The following ELL variants were observed in gnomAD, a reference collection of about 807,000 sequenced individuals.
ELL encodes RNA polymerase II elongation factor ELL.
ELL carries 18 observed loss-of-function variants against 64.0 expected under a neutral mutation model. The observed-to-expected ratio is 0.28, with a 90% CI of 0.19 to 0.42. The LOEUF is 0.42. Ranked by LOEUF, ELL falls within the 10% of genes least tolerant of loss-of-function variation. ELL has a pLI of 1.00. For synonymous variants in ELL, 399 were observed against 376.2 expected (o/e 1.06, Z -0.70); for missense variants, 797 against 870.4 (o/e 0.92, Z 1.06).
chr19:18,498,158 C>T (rs1439714958), intron 1 of ELL, among the ~76,000 whole-genome samples: 1 of 151,918 alleles, frequency 6.6e-6, no homozygotes, highest in Non-Finnish European at 1.5e-5. Flanking sequence ...GCAGGCTCAT[C>T]CATTGGAAAC....
rs1278162527 is a variant in ELL, at chr19:18,501,701, CA to C, written c.135+20219del. Among the ~76,000 whole-genome samples, 1 of 152,178 alleles carries C rather than the reference CA, an allele frequency of 6.6e-6. No homozygotes were observed. The highest frequency in any genetic ancestry group is 1.5e-5 in the Non-Finnish European group (1 of 68,036). On this transcript the variant is annotated intron_variant, in intron 1 of 11. Coordinates refer to ENST00000262809, the MANE Select transcript of ELL (RefSeq NM_006532.4). The surrounding 1 kb of genome is among the most constrained non-coding windows in gnomAD (Gnocchi z 4.5). ...GGTCCATCTGACACACCTGGGGGCC[CA>C]AGAGGTGATGGCATCACATAAAAGC...
At chr19:18,451,056 A>G in intron 7 of ELL, 81 bp from the exon 8 acceptor site, 1 of 1,419,222 alleles carries the variant, frequency 7.0e-7, no homozygotes, top group Non-Finnish European at 9.2e-7. Context: ...CTGGCTAGAA[A>G]ACCCAACGCC....
chr19:18,485,527 G>GCCAGGGAGACCAGGGAGA (rs201997238), intron 1 of ELL, among the ~76,000 whole-genome samples: 1 of 152,102 alleles, frequency 6.6e-6, no homozygotes, highest in African/African-American at 2.4e-5. Context: ...TCCTCCCAGG[G>GCCAGGGAGACCAGGGAGA]CCAGGGAGAC....
At chr19:18,510,996 G>A (rs1321322560) in intron 1 of ELL, among the ~76,000 whole-genome samples, 3 of 152,020 alleles carry the variant, frequency 2.0e-5, no homozygotes, top group East Asian at 1.9e-4. Context: ...GGCCGGGTGC[G>A]GTGGCTCATG....
intron 11 of ELL, 49 bp from the exon 12 acceptor site, chr19:18,444,917 C>A: frequency 6.4e-7 from 1 of 1,563,906 alleles, no homozygotes. Flanking sequence ...CTGGGTGCTG[C>A]TCCCCGCTGT....
chr19:18,445,350 G>C, intron 10 of ELL, 82 bp from the exon 11 acceptor site: 1 of 970,536 alleles, frequency 1.0e-6, no homozygotes, highest in Non-Finnish European at 1.6e-6. Context: ...CAGGTGCTCT[G>C]AGAAGGGGGC....
chr19:18,475,932 T>C (rs1975166270), intron 1 of ELL: 1 of 152,238 alleles, frequency 6.6e-6, no homozygotes, highest in Admixed American at 6.5e-5. Context: ...ACACGGCGAG[T>C]TCTGGAACAG....
intron 1 of ELL, among the ~76,000 whole-genome samples, chr19:18,499,619 A>G (rs1426569079): frequency 6.6e-6 from 1 of 152,122 alleles, no homozygotes; most frequent in East Asian, 1.9e-4. Flanking sequence ...TGACATCTGA[A>G]CTCATCAGTT....
At chr19:18,459,786 A>G (rs1974762772) in intron 5 of ELL, among the ~76,000 whole-genome samples, 1 of 146,422 alleles carries the variant, frequency 6.8e-6, no homozygotes, top group Non-Finnish European at 1.5e-5. Flanking sequence ...TCGGCCTCCC[A>G]AAGTGCTGGG....
chr19:18,487,892 C>T (rs1600479100), intron 1 of ELL, among the ~76,000 whole-genome samples: 1 of 152,362 alleles, frequency 6.6e-6, no homozygotes, highest in African/African-American at 2.4e-5. Flanking sequence ...TGCTCAGAAC[C>T]TGGCTGGCAG....
At chr19:18,472,919 A>T (rs1490422000) in intron 1 of ELL, 37 bp from the exon 2 acceptor site, 3 of 1,538,296 alleles carry the variant, frequency 2.0e-6, no homozygotes, top group Non-Finnish European at 2.6e-6. Flanking sequence ...AGGTGAGGGG[A>T]ACATCAATAA....
At chr19:18,467,958 C>A (rs1470764910) in intron 2 of ELL, among the ~76,000 whole-genome samples, 1 of 145,680 alleles carries the variant, frequency 6.9e-6, no homozygotes, top group African/African-American at 2.6e-5. Flanking sequence ...TAGCGCCACA[C>A]ATACAACCAC....
chr19:18,493,560 C>T (rs74989942), intron 1 of ELL, among the ~76,000 whole-genome samples: 1 of 152,244 alleles, frequency 6.6e-6, no homozygotes, highest in Non-Finnish European at 1.5e-5. Context: ...TACTCTCAAC[C>T]TCTGACCCAT....
intron 1 of ELL, among the ~76,000 whole-genome samples, chr19:18,502,493 C>A (rs951331380): frequency 1.3e-5 from 2 of 152,234 alleles, no homozygotes; most frequent in Non-Finnish European, 2.9e-5. Flanking sequence ...GCACCCCCAC[C>A]ACCAGGGAAA....
Position 18,443,134 on chromosome 19 carries a change from C to T in ELL, c.*1618G>A. ...TCACCGGTGTCTGCAGGGCTGCCTG[C>T]GGGCGACACAGCAAGGTCCAGCTGA... On this transcript the variant is annotated 3_prime_UTR_variant, in exon 12 of 12. Transcript: ENST00000262809. 2 of 232,344 alleles carry T rather than the reference C, an allele frequency of 8.6e-6. No homozygotes were observed. The highest frequency in any genetic ancestry group is 6.1e-5 in the East Asian group (1 of 16,486). The allele number at this position is 232,344 out of a possible 1,614,324, so 14.4% of individuals were successfully genotyped here. A position where few individuals can be genotyped will look rare whatever the true frequency, so the allele number is the denominator to read the frequency against.
intron 1 of ELL, among the ~76,000 whole-genome samples, chr19:18,500,287 C>G (rs1201287186): frequency 6.6e-6 from 1 of 150,860 alleles, no homozygotes; most frequent in Non-Finnish European, 1.5e-5. Context: ...AAAAGTGAGA[C>G]CACCAGCCAC....
chr19:18,464,118 C>T (rs889777928), intron 4 of ELL, among the ~76,000 whole-genome samples: 1 of 152,204 alleles, frequency 6.6e-6, no homozygotes, highest in African/African-American at 2.4e-5. Flanking sequence ...CCTGTAATCC[C>T]AGCATTGTGG....
intron 4 of ELL, among the ~76,000 whole-genome samples, chr19:18,462,193 T>C (rs1441809790): frequency 1.7e-5 from 2 of 116,086 alleles, no homozygotes; most frequent in Non-Finnish European, 3.4e-5. Context: ...TGTGTGTGTG[T>C]GTGTGTGTGT....
At chr19:18,505,848 G>A (rs758421510) in intron 1 of ELL, among the ~76,000 whole-genome samples, 1 of 152,160 alleles carries the variant, frequency 6.6e-6, no homozygotes, top group African/African-American at 2.4e-5. Context: ...GCACTGACCT[G>A]ACCTCCCACC....
Sources: allele counts gnomAD v4.1 joint callset (sites outside exome capture counted in the v4.1 genomes callset), GRCh38; gene constraint gnomAD v4.1.1; non-coding constraint Gnocchi (gnomAD v3.1); transcripts MANE v1.5; gene names NCBI Gene and HGNC (gene_info 2026-07-23, HGNC 2026-07-21).